Variants in ACSF3 observed in about 807,000 individuals in gnomAD.
The protein encoded by ACSF3 is malonate--CoA ligase ACSF3, mitochondrial.
Under a neutral mutation model 53.2 loss-of-function variants are expected in ACSF3, and 78 were observed. The observed-to-expected ratio is 1.47, with a 90% CI of 1.22 to 1.77. ACSF3 has a LOEUF of 1.77. Among genes scored for constraint, ACSF3 ranks in the 40% most tolerant of loss-of-function variants. The pLI is 0.00. For synonymous variants in ACSF3, 414 were observed against 333.1 expected, an observed-to-expected ratio of 1.24 and a Z score of -2.65; for missense variants, 937 against 771.1, an observed-to-expected ratio of 1.22 and a Z score of -2.55.
intron 7 of ACSF3, among the ~76,000 whole-genome samples, chr16:89,132,503 TAGA>T (rs1280785845): frequency 4.6e-5 from 7 of 152,186 alleles, no homozygotes; most frequent in African/African-American, 1.7e-4. Flanking sequence ...ATGGTCACAA[TAGA>T]AGAACAGTGA....
chr16:89,108,547 C>T (rs1005479832), intron 4 of ACSF3, among the ~76,000 whole-genome samples: 1 of 152,110 alleles, frequency 6.6e-6, no homozygotes, highest in Non-Finnish European at 1.5e-5. Context: ...TGTCCATTTC[C>T]CCCCATTCCC....
At chr16:89,102,213 G>A (rs546865711) in intron 3 of ACSF3, 1 of 347,748 alleles carries the variant, frequency 2.9e-6, no homozygotes, top group Non-Finnish European at 5.6e-6. Context: ...GCTCTGTGTG[G>A]GCAGTGCTGT....
chr16:89,093,891 GC>G lies in ACSF3; in HGVS notation c.-298del. 2 of 324,086 alleles carry G rather than the reference GC, an allele frequency of 6.2e-6. No individual in the cohort carries two copies. Among genetic ancestry groups the G allele is most frequent in the South Asian group, 2.1e-5 (1 of 46,828 alleles). The allele number at this position is 324,086 out of a possible 1,614,324, so 20.1% of individuals were successfully genotyped here. ...CTGGTCCGGCCCGACTCACGACCCC[GC>G]GGGACCCGGCCGGAACCCGGCCCGA... On this transcript the variant is annotated 5_prime_UTR_variant, in exon 1 of 11. Coordinates refer to ENST00000614302, the MANE Select transcript of ACSF3 (RefSeq NM_001243279.3).
rs1597245322 is a variant in ACSF3 at position 89,145,034 on chromosome 16, C to T, written c.1367-233C>T. 4 of 1,173,964 alleles carry T rather than the reference C, an allele frequency of 3.4e-6. No homozygotes were observed. In the East Asian group the frequency reaches 1.1e-4, roughly 32 times the overall value. 72.7% of individuals were successfully genotyped at this position (1,173,964 alleles called of 1,614,324 possible). A position where few individuals can be genotyped will look rare whatever the true frequency, so the allele number is the denominator to read the frequency against. On this transcript the variant is annotated intron_variant, in intron 8 of 10. Transcript: ENST00000614302. ...AAGGGACCCCACAGGAAGGGCAGAC[C>T]CCACATCATGGGCACAGTCCCACCT...
chr16:89,131,869 T>C (rs1375753006), intron 7 of ACSF3, among the ~76,000 whole-genome samples: 1 of 152,278 alleles, frequency 6.6e-6, no homozygotes, highest in Non-Finnish European at 1.5e-5. Flanking sequence ...AGCCAGGAGT[T>C]AGGCTGGGCA....
intron 8 of ACSF3, among the ~76,000 whole-genome samples, chr16:89,137,235 G>A (rs1261319825): frequency 1.3e-5 from 2 of 151,970 alleles, no homozygotes; most frequent in African/African-American, 2.4e-5. Context: ...CAGGGATCCC[G>A]GGAGGACCAC....
At chr16:89,126,616 T>C (rs1908163327) in intron 7 of ACSF3, among the ~76,000 whole-genome samples, 1 of 152,232 alleles carries the variant, frequency 6.6e-6, no homozygotes, top group African/African-American at 2.4e-5. Context: ...TGCTAGTAGG[T>C]AGAAATAGAA....
At chr16:89,118,446 C>T (rs1271699190) in intron 6 of ACSF3, among the ~76,000 whole-genome samples, 9 of 152,394 alleles carry the variant, frequency 5.9e-5, no homozygotes, top group Non-Finnish European at 4.4e-5. Flanking sequence ...GCTTTCCTCA[C>T]TCTCAGGCTC....
At chr16:89,127,538 T>G (rs930949154) in intron 7 of ACSF3, among the ~76,000 whole-genome samples, 4 of 152,082 alleles carry the variant, frequency 2.6e-5, no homozygotes, top group African/African-American at 9.7e-5. Flanking sequence ...ATTTTTTATT[T>G]TTATTTTTGT....
chr16:89,136,738 TACA>T (rs1370755914), intron 8 of ACSF3: 1 of 1,287,286 alleles, frequency 7.8e-7, no homozygotes, highest in Non-Finnish European at 1.0e-6. Context: ...CCTCTGTGCC[TACA>T]GCCCGCTTCT....
In ACSF3 at chr16:89,097,671, G is replaced by C. The variant is rs1254322987; in HGVS notation, c.-193-920G>C. On this transcript the variant is annotated intron_variant, in intron 1 of 10. Coordinates refer to ENST00000614302, the MANE Select transcript of ACSF3 (RefSeq NM_001243279.3). ...GTGCCGATCTCGTGTCTTGTGTCTG[G>C]TGAAGCCCAGTTGTTTTCTTGCCAT... 2.6e-5 allele frequency among the ~76,000 whole-genome samples: 4 copies of C among 152,166 alleles called. No individual in the cohort carries two copies. The East Asian group carries it at 7.7e-4, about 29-fold the overall frequency.
intron 4 of ACSF3, among the ~76,000 whole-genome samples, chr16:89,110,289 C>T (rs1597933196): frequency 1.3e-5 from 2 of 152,302 alleles, no homozygotes; most frequent in South Asian, 2.1e-4. Flanking sequence ...TTAGCTCATA[C>T]GTGGAGGTTT....
chr16:89,096,006 C>A (rs1207569440), intron 1 of ACSF3, among the ~76,000 whole-genome samples: 1 of 152,174 alleles, frequency 6.6e-6, no homozygotes, highest in Non-Finnish European at 1.5e-5. Flanking sequence ...AGCCCCAGTG[C>A]CTTAGTGGTC....
At chr16:89,098,998 C>T (rs773799093) in intron 2 of ACSF3, among the ~76,000 whole-genome samples, 7 of 152,264 alleles carry the variant, frequency 4.6e-5, no homozygotes, top group East Asian at 3.8e-4. Context: ...GACCGAGGGC[C>T]GCTGAGTGCC....
At chr16:89,106,847 G>A in intron 4 of ACSF3, among the ~76,000 whole-genome samples, 1 of 152,222 alleles carries the variant, frequency 6.6e-6, no homozygotes, top group Non-Finnish European at 1.5e-5. Context: ...CCTGCACAGA[G>A]GGCCGTGGGT....
At chr16:89,097,035 C>T (rs552135740) in intron 1 of ACSF3, among the ~76,000 whole-genome samples, 3 of 152,276 alleles carry the variant, frequency 2.0e-5, no homozygotes, top group African/African-American at 7.2e-5. Context: ...CTCTGCTGAG[C>T]TCTGGGTTTT....
intron 2 of ACSF3, among the ~76,000 whole-genome samples, chr16:89,099,931 C>G (rs902796484): frequency 7.2e-5 from 11 of 151,786 alleles, no homozygotes; most frequent in Admixed American, 2.6e-4. Context: ...GCCATAACCC[C>G]AGGACTTTGG....
At chr16:89,127,959 C>G (rs368579980) in intron 7 of ACSF3, among the ~76,000 whole-genome samples, 34 of 152,182 alleles carry the variant, frequency 2.2e-4, no homozygotes, top group African/African-American at 7.5e-4. Flanking sequence ...TCTTCTGTTT[C>G]TTTTTTCTTT....
intron 10 of ACSF3, among the ~76,000 whole-genome samples, chr16:89,146,308 G>T (rs985218023): frequency 1.3e-4 from 20 of 152,180 alleles, no homozygotes; most frequent in African/African-American, 4.8e-4. Context: ...ACAGGGCCCT[G>T]TACGGCCTGT....
Sources: gnomAD v4.1 joint callset for allele counts (sites outside exome capture counted in the v4.1 genomes callset) on GRCh38, gnomAD v4.1.1 for gene constraint, MANE v1.5 for transcripts, NCBI Gene and HGNC (gene_info 2026-07-23, HGNC 2026-07-21) for gene names.